PPP1R14C: variants seen among roughly 807,000 people sequenced by gnomAD.
PPP1R14C encodes the protein protein phosphatase 1 regulatory subunit 14C.
In PPP1R14C, 16 loss-of-function variants were observed where a neutral mutation model predicts 20.4. The ratio of observed to expected loss-of-function variants is 0.78; its 90% CI spans 0.53 to 1.19. The LOEUF is 1.19. Among genes scored for constraint, PPP1R14C ranks in the 50% most tolerant of loss-of-function variants. The pLI, the probability that PPP1R14C is intolerant of heterozygous loss-of-function variation, is 0.00. For missense variants in PPP1R14C, 211 were observed against 220.1 expected (o/e 0.96, Z 0.26); for synonymous variants, 91 against 91.0 (o/e 1.00, Z 0.00).
At chr6:150,153,471 A>G (rs975679923) in intron 1 of PPP1R14C, among the ~76,000 whole-genome samples, 1 of 152,262 alleles carries the variant, frequency 6.6e-6, no homozygotes, top group Non-Finnish European at 1.5e-5. Flanking sequence ...AGTCTTCAGC[A>G]TGTCCAAGAA....
chr6:150,207,404 G>A (rs2114903646), intron 1 of PPP1R14C, among the ~76,000 whole-genome samples: 2 of 152,288 alleles, frequency 1.3e-5, no homozygotes, highest in East Asian at 3.9e-4. Context: ...TGCCCGGTGG[G>A]GCTGGGCCCT....
At chr6:150,169,236 A>G (rs539092751) in intron 1 of PPP1R14C, among the ~76,000 whole-genome samples, 1 of 152,286 alleles carries the variant, frequency 6.6e-6, no homozygotes, top group East Asian at 1.9e-4. Context: ...ACCTTCCATT[A>G]TAGTTAGAGG....
At chr6:150,216,939 T>C (rs1383291419) in intron 3 of PPP1R14C, 83 bp downstream of exon 3, 4 of 1,139,658 alleles carry the variant, frequency 3.5e-6, no homozygotes, top group Non-Finnish European at 5.2e-6. Context: ...CAAACCACAA[T>C]AAGTAGGTTT....
At chr6:150,181,164 A>ATAGC (rs1376894778) in intron 1 of PPP1R14C, among the ~76,000 whole-genome samples, 1 of 152,076 alleles carries the variant, frequency 6.6e-6, no homozygotes, top group Non-Finnish European at 1.5e-5. Context: ...TTAGGCTGGC[A>ATAGC]TTCTATGAGG....
At position 150,244,822 on chromosome 6, in the gene PPP1R14C, T is replaced by G. The variant is rs536997763; in HGVS notation, c.424-3924T>G. 1.2e-4 allele frequency among the ~76,000 whole-genome samples: 18 copies of G among 152,346 alleles called. 1 individual carries two copies. The South Asian group carries it at 1.7e-3, about 14-fold the overall frequency. On this transcript the variant is annotated intron_variant, in intron 3 of 3. Coordinates refer to ENST00000361131, the MANE Select transcript of PPP1R14C (RefSeq NM_030949.3). ...TATTTTTTCAGAATAAAATAAATTC[T>G]ATTTTTCACAAAATATTTGTTTCAG...
intron 1 of PPP1R14C, among the ~76,000 whole-genome samples, chr6:150,179,840 T>G (rs1777601802): frequency 6.6e-6 from 1 of 152,146 alleles, no homozygotes; most frequent in South Asian, 2.1e-4. Context: ...TTAGACTCTG[T>G]TTTTTGGTTT....
intron 1 of PPP1R14C, chr6:150,195,251 A>C: frequency 1.4e-6 from 1 of 735,188 alleles, no homozygotes; most frequent in Non-Finnish European, 1.7e-6. Context: ...GTGTGTGGAT[A>C]CCATGTTATA....
chr6:150,202,004 C>T lies in PPP1R14C; in HGVS notation c.307-12740C>T, dbSNP rs115897634. The stretch of plus-strand genomic sequence containing the variant: ...TTGCTCTGCTCATTTCACAAGGCAG[C>T]TCTGGTTAAATGACTTTTTATTTTG... On this transcript the variant is annotated intron_variant, in intron 1 of 3. Coordinates refer to ENST00000361131, the MANE Select transcript of PPP1R14C (RefSeq NM_030949.3). 7.8e-3 allele frequency among the ~76,000 whole-genome samples: 1,192 copies of T among 152,294 alleles called. 15 individuals carry two copies. The highest frequency in any genetic ancestry group is 0.027 in the African/African-American group (1,135 of 41,544).
chr6:150,215,374 G>A (rs1467950828), intron 2 of PPP1R14C, among the ~76,000 whole-genome samples: 5 of 152,212 alleles, frequency 3.3e-5, no homozygotes, highest in Non-Finnish European at 2.9e-5. Context: ...CAGCAATAAA[G>A]TACAGTACTT....
At chr6:150,187,644 C>T (rs1362989532) in intron 1 of PPP1R14C, among the ~76,000 whole-genome samples, 6 of 152,106 alleles carry the variant, frequency 3.9e-5, no homozygotes, top group Admixed American at 6.5e-5. Context: ...TTTATGGCTG[C>T]GTAGTATTCT....
rs527260035 is a variant in PPP1R14C at position 150,151,843 on chromosome 6, G to A, written c.306+8345G>A. ...CATTTAAGAAGTGCTGATTGCGGCC[G>A]GGCGCGGTGGCTCACGCCTGTAATC... On this transcript the variant is annotated intron_variant, in intron 1 of 3. Coordinates refer to ENST00000361131, the MANE Select transcript of PPP1R14C (RefSeq NM_030949.3). 5.3e-5 allele frequency among the ~76,000 whole-genome samples: 8 copies of A among 152,256 alleles called. No individual in the cohort carries two copies. The South Asian group carries it at 8.3e-4, about 16-fold the overall frequency.
intron 1 of PPP1R14C, among the ~76,000 whole-genome samples, chr6:150,178,386 G>A (rs1312237057): frequency 6.6e-6 from 1 of 152,244 alleles, no homozygotes; most frequent in Non-Finnish European, 1.5e-5. Context: ...GGCCGACCAA[G>A]GAGCGAGACC....
At chr6:150,224,253 A>G (rs1414849977) in intron 3 of PPP1R14C, among the ~76,000 whole-genome samples, 2 of 152,158 alleles carry the variant, frequency 1.3e-5, no homozygotes, top group African/African-American at 2.4e-5. Flanking sequence ...TTGTGGCTTC[A>G]AGTATGTCTT....
At chr6:150,153,072 A>G (rs899845630) in intron 1 of PPP1R14C, among the ~76,000 whole-genome samples, 3 of 152,228 alleles carry the variant, frequency 2.0e-5, no homozygotes, top group Admixed American at 6.5e-5. Flanking sequence ...CCTGTAGACC[A>G]GGAGGAGGAT....
At chr6:150,149,773 T>C in intron 1 of PPP1R14C, among the ~76,000 whole-genome samples, 1 of 152,068 alleles carries the variant, frequency 6.6e-6, no homozygotes, top group Non-Finnish European at 1.5e-5. Context: ...AGGAAAGGGG[T>C]GAAGAAAACA....
At chr6:150,244,407 G>A (rs1423309826) in intron 3 of PPP1R14C, among the ~76,000 whole-genome samples, 1 of 152,140 alleles carries the variant, frequency 6.6e-6, no homozygotes, top group Non-Finnish European at 1.5e-5. Flanking sequence ...TAGCTCTTGT[G>A]GCTCCAAGTC....
intron 1 of PPP1R14C, among the ~76,000 whole-genome samples, chr6:150,172,988 A>G (rs1015967501): frequency 2.6e-5 from 4 of 152,020 alleles, no homozygotes; most frequent in African/African-American, 9.7e-5. Context: ...CTCCCTCTTC[A>G]TTGATGATGT....
chr6:150,209,717 G>A (rs1033014168), intron 1 of PPP1R14C, among the ~76,000 whole-genome samples: 16 of 151,514 alleles, frequency 1.1e-4, no homozygotes, highest in Non-Finnish European at 2.2e-4. Flanking sequence ...GCATGTGAGC[G>A]TATGAGTAGT....
chr6:150,191,956 A>G lies in PPP1R14C; in HGVS notation c.307-22788A>G, dbSNP rs17079398. Among the ~76,000 whole-genome samples, 1,228 of 152,246 alleles carry G rather than the reference A, an allele frequency of 8.1e-3. 18 individuals are homozygous for G. Among genetic ancestry groups the G allele is most frequent in the African/African-American group, 0.028 (1,180 of 41,530 alleles). Reference sequence around the variant, plus strand: ...AAGAAGAGGGTTCCAGGTACAGATTACTGTGTGCACAGAGGCTGGAGCTTG... The same window carrying G: ...AAGAAGAGGGTTCCAGGTACAGATTGCTGTGTGCACAGAGGCTGGAGCTTG... On this transcript the variant is annotated intron_variant, in intron 1 of 3. Transcript: ENST00000361131.
Sources: gnomAD v4.1 joint callset for allele counts (sites outside exome capture counted in the v4.1 genomes callset) on GRCh38, gnomAD v4.1.1 for gene constraint, MANE v1.5 for transcripts, NCBI Gene and HGNC (gene_info 2026-07-23, HGNC 2026-07-21) for gene names.